The following FTCDNL1 variants were observed in gnomAD, a reference collection of about 807,000 sequenced individuals.
FTCDNL1 encodes the protein formiminotransferase cyclodeaminase N-terminal like, also known as formiminotransferase N-terminal subdomain-containing protein.
A neutral mutation model predicts 5.9 loss-of-function variants in FTCDNL1; 11 were observed. The observed-to-expected ratio is 1.87, with a 90% CI of 1.18 to 3.10. The LOEUF is 3.10. Among genes scored for constraint, FTCDNL1 ranks in the 30% most tolerant of loss-of-function variants. FTCDNL1 has a pLI of 0.00. For synonymous variants in FTCDNL1, 58 were observed against 24.8 expected, an observed-to-expected ratio of 2.34 and a Z score of -3.99; for missense variants, 115 against 65.5, an observed-to-expected ratio of 1.76 and a Z score of -2.61.
rs1221390087 is a variant in FTCDNL1, at chr2:199,812,505, C to A, written c.*200G>T. 6.8e-6 allele frequency: 3 copies of A among 442,592 alleles called. No homozygotes were observed. The highest frequency in any genetic ancestry group is 1.2e-4 in the South Asian group (2 of 16,800). 27.4% of individuals were successfully genotyped at this position (442,592 alleles called of 1,614,324 possible). On this transcript the variant is annotated 3_prime_UTR_variant, in exon 5 of 5. Transcript: ENST00000420128. ...AGAGAGATAATTAATCCCAGCAAAT[C>A]GTATTTCTAGTTAAATGTCATATAA... is the stretch of plus-strand genomic sequence containing the variant.
At chr2:199,743,746 T>C in the FTCDNL1 span, among the ~76,000 whole-genome samples, 2 of 152,132 alleles carry the variant, frequency 1.3e-5, no homozygotes, top group Admixed American at 1.3e-4. Flanking sequence ...TATAGGTTCC[T>C]CTGAGGGTTC....
the FTCDNL1 span, among the ~76,000 whole-genome samples, chr2:199,665,500 G>A: frequency 6.6e-6 from 1 of 151,990 alleles, no homozygotes; most frequent in South Asian, 2.1e-4. Context: ...TGGGGTGGTG[G>A]TGCACACTTG....
the FTCDNL1 span, among the ~76,000 whole-genome samples, chr2:199,683,863 C>A: frequency 1.3e-5 from 2 of 152,132 alleles, no homozygotes; most frequent in Non-Finnish European, 2.9e-5. Flanking sequence ...AGGTATGTGG[C>A]AGCCAGCAAA....
chr2:199,713,368 AATTGG>A, the FTCDNL1 span, among the ~76,000 whole-genome samples: 2 of 152,162 alleles, frequency 1.3e-5, no homozygotes, highest in Non-Finnish European at 2.9e-5. Flanking sequence ...ATCCTTGAGA[AATTGG>A]AAATGAATAA....
chr2:199,735,529 C>T, the FTCDNL1 span, among the ~76,000 whole-genome samples: 2 of 152,132 alleles, frequency 1.3e-5, no homozygotes, highest in Middle Eastern at 6.8e-3. Context: ...GGGTCCTATT[C>T]CATGCTTCCT....
chr2:199,687,003 A>C, the FTCDNL1 span, among the ~76,000 whole-genome samples: 1 of 152,192 alleles, frequency 6.6e-6, no homozygotes, highest in Non-Finnish European at 1.5e-5. Flanking sequence ...AATTTGTTAT[A>C]ATTGGTTCAC....
At chr2:199,694,915 C>T in the FTCDNL1 span, among the ~76,000 whole-genome samples, 1 of 152,168 alleles carries the variant, frequency 6.6e-6, no homozygotes, top group Non-Finnish European at 1.5e-5. Context: ...CAGCCAGCTG[C>T]AACTTGGCCA....
chr2:199,745,909 T>C, the FTCDNL1 span, among the ~76,000 whole-genome samples: 2 of 152,170 alleles, frequency 1.3e-5, no homozygotes, highest in South Asian at 2.1e-4. Context: ...CAAATTGCTA[T>C]CCTGGGTTCA....
chr2:199,700,571 G>T, the FTCDNL1 span, among the ~76,000 whole-genome samples: 1 of 152,102 alleles, frequency 6.6e-6, no homozygotes, highest in Admixed American at 6.5e-5. Flanking sequence ...AATCAAAAAA[G>T]AGCCCAAATA....
At chr2:199,705,708 G>A in the FTCDNL1 span, among the ~76,000 whole-genome samples, 5 of 152,284 alleles carry the variant, frequency 3.3e-5, no homozygotes, top group Admixed American at 2.0e-4. Context: ...TAGATTGTGT[G>A]TAGATGCACT....
At chr2:199,668,735 G>A in the FTCDNL1 span, among the ~76,000 whole-genome samples, 16 of 152,022 alleles carry the variant, frequency 1.1e-4, no homozygotes, top group Non-Finnish European at 8.8e-5. Flanking sequence ...TGAAGTAGTC[G>A]TGAGTAACTG....
chr2:199,670,543 T>G, the FTCDNL1 span, among the ~76,000 whole-genome samples: 2 of 152,186 alleles, frequency 1.3e-5, no homozygotes, highest in African/African-American at 4.8e-5. Flanking sequence ...CTTTCTCTCT[T>G]TTTTGTATCA....
At chr2:199,720,218 C>G in the FTCDNL1 span, among the ~76,000 whole-genome samples, 1 of 152,136 alleles carries the variant, frequency 6.6e-6, no homozygotes, top group Non-Finnish European at 1.5e-5. Context: ...TTATGTTTTT[C>G]TCTTGCCAGG....
intron 2 of FTCDNL1, among the ~76,000 whole-genome samples, chr2:199,848,018 C>T (rs2076775619): frequency 6.6e-6 from 1 of 152,160 alleles, no homozygotes; most frequent in Non-Finnish European, 1.5e-5. Flanking sequence ...AAATGACAAT[C>T]GGAAATTAAA....
intron 3 of FTCDNL1, among the ~76,000 whole-genome samples, chr2:199,838,824 G>A (rs2106629059): frequency 6.6e-6 from 1 of 152,298 alleles, no homozygotes; most frequent in Non-Finnish European, 1.5e-5. Context: ...GGGCTGGGGT[G>A]AGTAATGAAA....
At chr2:199,690,203 C>T in the FTCDNL1 span, among the ~76,000 whole-genome samples, 32 of 152,262 alleles carry the variant, frequency 2.1e-4, no homozygotes, top group East Asian at 1.5e-3. Context: ...GTTGTTGGAG[C>T]GTAAGTACAT....
At chr2:199,833,941 T>C (rs559647859) in intron 3 of FTCDNL1, among the ~76,000 whole-genome samples, 1 of 152,352 alleles carries the variant, frequency 6.6e-6, no homozygotes, top group South Asian at 2.1e-4. Context: ...ACTGATGTTT[T>C]CTTCCACATG....
the FTCDNL1 span, among the ~76,000 whole-genome samples, chr2:199,729,017 C>CG: frequency 6.6e-6 from 1 of 152,056 alleles, no homozygotes; most frequent in Non-Finnish European, 1.5e-5. Flanking sequence ...AAATATGGGT[C>CG]GACTATACAA....
At chr2:199,726,050 A>G in the FTCDNL1 span, among the ~76,000 whole-genome samples, 1 of 151,914 alleles carries the variant, frequency 6.6e-6, no homozygotes, top group Non-Finnish European at 1.5e-5. Context: ...GTCTTTTTAT[A>G]TAATCCCATA....
Sources: allele counts gnomAD v4.1 joint callset (sites outside exome capture counted in the v4.1 genomes callset), GRCh38; gene constraint gnomAD v4.1.1; transcripts MANE v1.5; gene names NCBI Gene and HGNC (gene_info 2026-07-23, HGNC 2026-07-21).